Variants in PLA2G7 observed in about 807,000 individuals in gnomAD.
PLA2G7 encodes the protein phospholipase A2 group VII.
In PLA2G7, 63 loss-of-function variants were observed where a neutral mutation model predicts 49.6. That is an observed-to-expected ratio of 1.27 (90% CI 1.04 to 1.57). The LOEUF is 1.57. Ranked by LOEUF, PLA2G7 falls within the 40% of genes most tolerant of loss-of-function variation. PLA2G7 has a pLI of 0.00. For missense variants in PLA2G7, 596 were observed against 521.2 expected (o/e 1.14, Z -1.40); for synonymous variants, 193 against 169.9 (o/e 1.14, Z -1.06).
chr6:46,704,629 C>A lies in PLA2G7; in HGVS notation c.1257G>T (p.Gly419=), dbSNP rs555910424. ...GTTGATTGGTTGTGTTAATGTTGGT[C>A]CCTGGAATAAGATTCTCATCATCTC... ...IEGDDENLIP[G]TNINTTNQHI... is the part of the protein sequence containing the mutation. Residue 419 remains glycine, a synonymous_variant, in exon 12 of 12, where the codon GGG becomes GGT. Coordinates refer to ENST00000274793, the MANE Select transcript of PLA2G7 (RefSeq NM_005084.4). 1 of 1,582,876 alleles carries A rather than the reference C, an allele frequency of 6.3e-7. No individual in the cohort carries two copies. Among genetic ancestry groups the A allele is most frequent in the South Asian group, 1.1e-5 (1 of 90,498 alleles).
intron 10 of PLA2G7, among the ~76,000 whole-genome samples, chr6:46,706,500 A>G (rs1764833040): frequency 6.6e-6 from 1 of 152,206 alleles, no homozygotes; most frequent in Non-Finnish European, 1.5e-5. Context: ...GGGAGCAGGA[A>G]GAGGGGTGGT....
rs200057649 is a variant in PLA2G7 at position 46,710,655 on chromosome 6, G to T, written c.667C>A (p.Arg223=). ...EETHIRNEQV[R]QRAKECSQAL... ...TGGGAACATTCTTTTGCTCTTTGCC[G>T]TACCTAATATAATTATTAGAAGAAG... is the stretch of plus-strand genomic sequence containing the variant. Residue 223 remains arginine (R), a synonymous_variant, in exon 8 of 12, where the codon CGG becomes AGG. Transcript: ENST00000274793. 3.6e-5 allele frequency: 58 copies of T among 1,596,908 alleles called. No homozygotes were observed. The highest frequency in any genetic ancestry group is 4.9e-5 in the Non-Finnish European group (57 of 1,164,654).
In PLA2G7 at chr6:46,708,084, A is replaced by G; in HGVS notation, c.947T>C (p.Phe316Ser). Reference sequence around the variant, plus strand: ...ATATTGGAAATATTCAGAGTTGATAAAAAAGAGGGGCTGAGGAATTCTGGA... The same window carrying G: ...ATATTGGAAATATTCAGAGTTGATAGAAAAGAGGGGCTGAGGAATTCTGGA... ...VYSRIPQPLF[F>S]INSEYFQYPA... Residue 316 changes from phenylalanine (F) to serine (S), a missense_variant, in exon 10 of 12, where the codon TTT becomes TCT. Phe to Ser is a radical substitution (Grantham distance 155, BLOSUM62 -2). Coordinates refer to ENST00000274793, the MANE Select transcript of PLA2G7 (RefSeq NM_005084.4). The G allele has an allele frequency of 6.2e-7, 1 of 1,609,224 alleles. No individual in the cohort carries two copies. Among genetic ancestry groups the G allele is most frequent in the Non-Finnish European group, 8.5e-7 (1 of 1,175,720 alleles).
At chr6:46,730,196 A>G (rs1218896145) in intron 1 of PLA2G7, among the ~76,000 whole-genome samples, 1 of 152,234 alleles carries the variant, frequency 6.6e-6, no homozygotes, top group Non-Finnish European at 1.5e-5. Flanking sequence ...GGAGCTGTTG[A>G]AGGAATGAGG....
intron 1 of PLA2G7, among the ~76,000 whole-genome samples, chr6:46,730,274 A>T (rs1300245935): frequency 1.3e-5 from 2 of 152,210 alleles, no homozygotes; most frequent in East Asian, 3.9e-4. Context: ...AAAGTTCCTA[A>T]ACATGTTCTA....
intron 1 of PLA2G7, among the ~76,000 whole-genome samples, chr6:46,725,949 A>G (rs1207794497): frequency 6.6e-6 from 1 of 152,216 alleles, no homozygotes; most frequent in African/African-American, 2.4e-5. Flanking sequence ...AGACCCAAAG[A>G]TACAGGGGAA....
At chr6:46,723,937 C>G (rs966269466) in intron 1 of PLA2G7, among the ~76,000 whole-genome samples, 8 of 152,196 alleles carry the variant, frequency 5.3e-5, no homozygotes, top group African/African-American at 1.9e-4. Context: ...ACACCTGCTG[C>G]AATCACACTT....
chr6:46,718,175 T>C (rs928656902), intron 2 of PLA2G7, among the ~76,000 whole-genome samples: 3 of 152,190 alleles, frequency 2.0e-5, no homozygotes, highest in African/African-American at 7.2e-5. Flanking sequence ...CTTGACCCCT[T>C]CAAATGCATC....
intron 2 of PLA2G7, among the ~76,000 whole-genome samples, chr6:46,722,438 G>T (rs1765428583): frequency 6.6e-6 from 1 of 152,162 alleles, no homozygotes; most frequent in African/African-American, 2.4e-5. Flanking sequence ...CAGACCAGTT[G>T]CATTACTATG....
chr6:46,709,659 A>G (rs1382217324), intron 8 of PLA2G7, among the ~76,000 whole-genome samples: 1 of 152,208 alleles, frequency 6.6e-6, no homozygotes, highest in Non-Finnish European at 1.5e-5. Context: ...AGTAAACTTA[A>G]TGTTCTTTGT....
At chr6:46,725,485 C>T (rs900298309) in intron 1 of PLA2G7, among the ~76,000 whole-genome samples, 3 of 152,088 alleles carry the variant, frequency 2.0e-5, no homozygotes, top group Non-Finnish European at 4.4e-5. Context: ...CCACCTTGGC[C>T]TCCCAAAGTG....
At chr6:46,720,081 C>A (rs1404065164) in intron 2 of PLA2G7, among the ~76,000 whole-genome samples, 2 of 152,190 alleles carry the variant, frequency 1.3e-5, no homozygotes, top group African/African-American at 4.8e-5. Context: ...CCTGCTTCTT[C>A]TTCTGTGGTA....
chr6:46,724,107 C>G (rs773641355), intron 1 of PLA2G7, among the ~76,000 whole-genome samples: 4 of 152,184 alleles, frequency 2.6e-5, no homozygotes, highest in Non-Finnish European at 5.9e-5. Context: ...GTGATACTTT[C>G]TCAGTGACAC....
At position 46,710,544 on chromosome 6, in the gene PLA2G7, C is replaced by T; in HGVS notation, c.777+1G>A. The T allele has an allele frequency of 6.4e-7, 1 of 1,554,608 alleles. No individual in the cohort carries two copies. The highest frequency in any genetic ancestry group is 8.9e-7 in the Non-Finnish European group (1 of 1,125,932). On this transcript the variant is annotated splice_donor_variant, in intron 8 of 11. Coordinates refer to ENST00000274793, the MANE Select transcript of PLA2G7 (RefSeq NM_005084.4). LOFTEE classifies it high-confidence loss of function. ...GAGAAAAATTACTTTTTATAGCTTA[C>T]CTTCAGTTGTTCCATATCAAACTTT... is the stretch of plus-strand genomic sequence containing the variant.
intron 1 of PLA2G7, among the ~76,000 whole-genome samples, chr6:46,734,540 G>C (rs889451197): frequency 1.0e-4 from 15 of 150,494 alleles, no homozygotes; most frequent in African/African-American, 3.2e-4. Context: ...AGAAAACTCC[G>C]GGGCGGGCGC....
At chr6:46,730,738 C>A (rs1011568725) in intron 1 of PLA2G7, among the ~76,000 whole-genome samples, 7 of 152,090 alleles carry the variant, frequency 4.6e-5, no homozygotes, top group Non-Finnish European at 2.9e-5. Context: ...TTTAAAGGAG[C>A]AACTAATTCA....
At chr6:46,705,364 G>C in intron 10 of PLA2G7, 63 bp from the exon 11 acceptor site, 1 of 1,379,362 alleles carries the variant, frequency 7.2e-7, no homozygotes, top group Non-Finnish European at 1.0e-6. Flanking sequence ...TTTTTAGTTA[G>C]AGTGTAAGAA....
chr6:46,707,091 T>TA, intron 10 of PLA2G7, among the ~76,000 whole-genome samples: 1 of 152,264 alleles, frequency 6.6e-6, no homozygotes, highest in South Asian at 2.1e-4. Flanking sequence ...TTCAAAACCT[T>TA]ATCAGGAGTT....
At position 46,709,421 on chromosome 6, in the gene PLA2G7, AT is replaced by A; in HGVS notation, c.778-4del. ...ATTTTTTCCCTATCAATAGAGTCCT[AT>A]TTGAAAAAGCATGATATAAATTTAT... On this transcript the variant is annotated splice_polypyrimidine_tract_variant and splice_region_variant and intron_variant, in intron 8 of 11. Coordinates refer to ENST00000274793, the MANE Select transcript of PLA2G7 (RefSeq NM_005084.4). 6.6e-7 allele frequency: 1 copy of A among 1,515,392 alleles called. No homozygotes were observed. The highest frequency in any genetic ancestry group is 9.2e-7 in the Non-Finnish European group (1 of 1,090,496). 93.9% of individuals were successfully genotyped at this position (1,515,392 alleles called of 1,614,324 possible).
Sources: gnomAD v4.1 joint callset for allele counts (sites outside exome capture counted in the v4.1 genomes callset) on GRCh38, gnomAD v4.1.1 for gene constraint, MANE v1.5 for transcripts, NCBI Gene and HGNC (gene_info 2026-07-23, HGNC 2026-07-21) for gene names.